The following CADM2 variants were observed in gnomAD, a reference collection of about 807,000 sequenced individuals.
CADM2 encodes the protein cell adhesion molecule 2, also known as immunoglobulin superfamily member 4D.
A neutral mutation model predicts 49.8 loss-of-function variants in CADM2; 12 were observed. That is an observed-to-expected ratio of 0.24 (90% CI 0.15 to 0.39). The LOEUF (loss-of-function observed/expected upper bound fraction) is 0.39, where lower values mean the gene tolerates loss of function less well. CADM2 is among the 10% of genes least tolerant of loss of function. The pLI, the probability that CADM2 is intolerant of heterozygous loss-of-function variation, is 1.00. For missense variants in CADM2, 378 were observed against 492.3 expected (o/e 0.77, Z 2.20); for synonymous variants, 214 against 175.4 (o/e 1.22, Z -1.74).
rs67331615 is a variant in CADM2 at position 85,637,621 on chromosome 3, A to AT, written c.62-88901_62-88900insT. Among the ~76,000 whole-genome samples the AT allele has an allele frequency of 2.8e-3, 316 of 114,494 alleles. 2 individuals are homozygous for AT. The highest frequency in any genetic ancestry group is 9.1e-3 in the African/African-American group (244 of 26,682). The allele number at this position is 114,494 out of a possible 152,430, so 75.1% of individuals were successfully genotyped here. A position where few individuals can be genotyped will look rare whatever the true frequency, so the allele number is the denominator to read the frequency against. On this transcript the variant is annotated intron_variant, in intron 1 of 9. Coordinates refer to ENST00000383699, the MANE Select transcript of CADM2 (RefSeq NM_001167675.2). ...GAGACTCCGTCTCAAAAAAAAAAAA[A>AT]AAAATAAAATAAAATAAATAAATAA...
chr3:85,587,284 C>A (rs557205335), intron 1 of CADM2, among the ~76,000 whole-genome samples: 1 of 152,010 alleles, frequency 6.6e-6, no homozygotes, highest in Non-Finnish European at 1.5e-5. Context: ...ACCCAAGTCA[C>A]GCATTATTTA....
chr3:85,137,141 CATT>C (rs2039436449), intron 1 of CADM2, among the ~76,000 whole-genome samples: 1 of 151,864 alleles, frequency 6.6e-6, no homozygotes, highest in Non-Finnish European at 1.5e-5. Context: ...TAAGCCACAT[CATT>C]AAGACATCAA....
rs150886921 is a variant in CADM2, at chr3:85,367,932, A to G, written c.62-358590A>G. On this transcript the variant is annotated intron_variant, in intron 1 of 9. Transcript: ENST00000383699. ...TTAGAGATGACTTGAAACTGACAATATGACCTTCTCAAAAGTATGGTAAGA... is the reference window on the plus strand; with the variant it reads ...TTAGAGATGACTTGAAACTGACAATGTGACCTTCTCAAAAGTATGGTAAGA... Among the ~76,000 whole-genome samples the G allele has an allele frequency of 4.5e-3, 679 of 152,124 alleles. 4 individuals are homozygous for G. The highest frequency in any genetic ancestry group is 0.015 in the African/African-American group (608 of 41,522).
At chr3:85,629,257 T>C (rs931570965) in intron 1 of CADM2, among the ~76,000 whole-genome samples, 2 of 151,912 alleles carry the variant, frequency 1.3e-5, no homozygotes, top group Non-Finnish European at 2.9e-5. Flanking sequence ...GTGCTTAAAT[T>C]AGAAACATTT....
At chr3:84,998,350 T>G (rs938698332) in intron 1 of CADM2, among the ~76,000 whole-genome samples, 2 of 152,146 alleles carry the variant, frequency 1.3e-5, no homozygotes, top group African/African-American at 2.4e-5. Context: ...AGTTTTAATA[T>G]AGCAAATATG....
chr3:85,571,969 T>G (rs1576835319), intron 1 of CADM2, among the ~76,000 whole-genome samples: 2 of 152,142 alleles, frequency 1.3e-5, no homozygotes, highest in South Asian at 4.1e-4. Context: ...GTTACACAAT[T>G]ACTAACAAGC....
At chr3:85,286,479 A>C (rs1004271248) in intron 1 of CADM2, among the ~76,000 whole-genome samples, 2 of 152,162 alleles carry the variant, frequency 1.3e-5, no homozygotes, top group African/African-American at 4.8e-5. Flanking sequence ...TTGGCAAGTG[A>C]CATTTGGAGT....
At chr3:85,873,619 T>C (rs767124452) in intron 3 of CADM2, among the ~76,000 whole-genome samples, 8 of 152,102 alleles carry the variant, frequency 5.3e-5, no homozygotes, top group Non-Finnish European at 1.2e-4. Context: ...TGGGCTGAGA[T>C]TGTGCCACTG....
chr3:85,186,944 T>C (rs2041080036), intron 1 of CADM2, among the ~76,000 whole-genome samples: 1 of 152,210 alleles, frequency 6.6e-6, no homozygotes, highest in Non-Finnish European at 1.5e-5. Flanking sequence ...TAATATTTCC[T>C]GAGTGATTAA....
At position 85,961,508 on chromosome 3, in the gene CADM2, A is replaced by G; in HGVS notation, c.831A>G (p.Leu277=). Residue 277 remains leucine, a synonymous_variant, in exon 8 of 10, where the codon TTA becomes TTG. Coordinates refer to ENST00000383699, the MANE Select transcript of CADM2 (RefSeq NM_001167675.2). ...TGTGGACAAAGGATGGCGGAGAATT[A>G]CCAGATCCTGACCGAATGGTTGTGA... ...PVLWTKDGGE[L]PDPDRMVVSG... 6.2e-7 allele frequency: 1 copy of G among 1,607,372 alleles called. No homozygotes were observed. Among genetic ancestry groups the G allele is most frequent in the Non-Finnish European group, 8.5e-7 (1 of 1,175,218 alleles).
At chr3:85,997,374 T>C (rs1729556621) in intron 8 of CADM2, among the ~76,000 whole-genome samples, 1 of 152,206 alleles carries the variant, frequency 6.6e-6, no homozygotes, top group Non-Finnish European at 1.5e-5. Context: ...CTGAGGAACA[T>C]AATTATGGAT....
At chr3:85,699,369 C>G (rs1174730646) in intron 1 of CADM2, among the ~76,000 whole-genome samples, 1 of 152,174 alleles carries the variant, frequency 6.6e-6, no homozygotes, top group South Asian at 2.1e-4. Flanking sequence ...GGGCTCCAAC[C>G]CCACATTTCC....
In CADM2 at chr3:85,869,480, C is replaced by T. The variant is rs147089221; in HGVS notation, c.239-13811C>T. Among the ~76,000 whole-genome samples, 410 of 152,148 alleles carry T rather than the reference C, an allele frequency of 2.7e-3. 1 individual carries two copies. Among genetic ancestry groups the T allele is most frequent in the African/African-American group, 9.5e-3 (396 of 41,502 alleles). On this transcript the variant is annotated intron_variant, in intron 3 of 9. Transcript: ENST00000383699. ...TAAATGTATTAGTTCTTAGCCCAATCCCTAATTTCTAGGTGAATTAATCAC... is the reference window on the plus strand; with the variant it reads ...TAAATGTATTAGTTCTTAGCCCAATTCCTAATTTCTAGGTGAATTAATCAC...
At chr3:85,543,447 T>G (rs887838785) in intron 1 of CADM2, among the ~76,000 whole-genome samples, 4 of 135,558 alleles carry the variant, frequency 3.0e-5, no homozygotes, top group Non-Finnish European at 5.1e-5. Flanking sequence ...TGTGTGTGTG[T>G]GTGTGTGTGT....
chr3:85,880,265 T>A (rs558921070), intron 3 of CADM2, among the ~76,000 whole-genome samples: 1 of 152,298 alleles, frequency 6.6e-6, no homozygotes, highest in East Asian at 1.9e-4. Context: ...CCTATCCACT[T>A]TTTTTCTTGT....
At chr3:85,923,473 TC>T (rs1719405852) in intron 6 of CADM2, among the ~76,000 whole-genome samples, 1 of 151,600 alleles carries the variant, frequency 6.6e-6, no homozygotes, top group African/African-American at 2.4e-5. Flanking sequence ...TTTATTAATT[TC>T]CTTCTTTTGC....
chr3:85,791,503 GGA>G (rs2071320021), intron 2 of CADM2, among the ~76,000 whole-genome samples: 1 of 143,726 alleles, frequency 7.0e-6, no homozygotes, highest in Admixed American at 7.1e-5. Context: ...AACAGATGAC[GGA>G]GAGAGGGGTG....
At chr3:85,762,613 C>CTCTCTCTCTGTG (rs2069448863) in intron 2 of CADM2, among the ~76,000 whole-genome samples, 3 of 147,978 alleles carry the variant, frequency 2.0e-5, no homozygotes, top group African/African-American at 7.6e-5. Flanking sequence ...CTCTCTCTCT[C>CTCTCTCTCTGTG]TCTCTCTCTG....
chr3:85,179,351 G>T (rs554602283), intron 1 of CADM2, among the ~76,000 whole-genome samples: 1 of 152,142 alleles, frequency 6.6e-6, no homozygotes, highest in Non-Finnish European at 1.5e-5. Context: ...GTGTGTATAT[G>T]TATAAAGAAT....
Sources: allele counts gnomAD v4.1 joint callset (sites outside exome capture counted in the v4.1 genomes callset), GRCh38; gene constraint gnomAD v4.1.1; transcripts MANE v1.5; gene names NCBI Gene and HGNC (gene_info 2026-07-23, HGNC 2026-07-21).